LYRM4: variants seen among roughly 807,000 people sequenced by gnomAD.
LYRM4 encodes LYR motif containing 4, also known as LYR motif-containing protein 4.
LYRM4 carries 9 observed loss-of-function variants against 11.7 expected under a neutral mutation model. That is an observed-to-expected ratio of 0.77 (90% CI 0.46 to 1.34). The LOEUF (loss-of-function observed/expected upper bound fraction) is 1.34. LYRM4 is among the 40% of genes most tolerant of loss of function. LYRM4 has a pLI of 0.00. For synonymous variants in LYRM4, 42 were observed against 40.4 expected (o/e 1.04, Z -0.15); for missense variants, 133 against 112.5 (o/e 1.18, Z -0.82).
chr6:5,046,004 A>G, the LYRM4 span, among the ~76,000 whole-genome samples: 1 of 152,214 alleles, frequency 6.6e-6, no homozygotes, highest in African/African-American at 2.4e-5. Flanking sequence ...CTGCATGAGC[A>G]CGGGGCACTC....
intron 2 of LYRM4, among the ~76,000 whole-genome samples, chr6:5,144,624 CAAAAAAAAAAAA>C (rs71540849): frequency 7.7e-4 from 29 of 37,602 alleles, no homozygotes; most frequent in Non-Finnish European, 1.0e-3. Context: ...GACTCCGTCT[CAAAAAAAAAAAA>C]AAAAAAAAAA....
intron 2 of LYRM4, among the ~76,000 whole-genome samples, chr6:5,169,237 C>T (rs528172858): frequency 5.3e-5 from 8 of 152,268 alleles, no homozygotes; most frequent in South Asian, 2.1e-4. Flanking sequence ...CACTGACTTG[C>T]TCTTGCCTGA....
chr6:5,260,735 T>C lies in LYRM4; in HGVS notation c.-2A>G, dbSNP rs753941315. ...TTGTGCGCGACTGGAGGCTGCCATT[T>C]TGGAAAGAAAAAAAAATAAACGGGT... On this transcript the variant is annotated 5_prime_UTR_variant, in exon 1 of 3. Transcript: ENST00000330636. The C allele has an allele frequency of 6.5e-7, 1 of 1,546,840 alleles. No homozygotes were observed. The highest frequency in any genetic ancestry group is 8.7e-7 in the Non-Finnish European group (1 of 1,147,690).
At chr6:5,088,889 G>A in the LYRM4 span, 7 of 152,184 alleles carry the variant, frequency 4.6e-5, no homozygotes, top group Non-Finnish European at 4.4e-5. Context: ...TAACACATCA[G>A]TGCAACTGAA....
At chr6:5,050,871 C>T in the LYRM4 span, among the ~76,000 whole-genome samples, 1 of 152,174 alleles carries the variant, frequency 6.6e-6, no homozygotes, top group Non-Finnish European at 1.5e-5. Context: ...AGATGGTAGA[C>T]TTACTAAACA....
intron 2 of LYRM4, among the ~76,000 whole-genome samples, chr6:5,180,060 A>G (rs890545555): frequency 6.6e-6 from 1 of 152,212 alleles, no homozygotes; most frequent in Non-Finnish European, 1.5e-5. Flanking sequence ...TAAACACAGA[A>G]CCACAAATAA....
At chr6:5,243,014 C>A (rs1281182321) in intron 1 of LYRM4, among the ~76,000 whole-genome samples, 1 of 151,732 alleles carries the variant, frequency 6.6e-6, no homozygotes, top group Non-Finnish European at 1.5e-5. Context: ...ACCTCATGAT[C>A]CACCCGCCTC....
intron 1 of LYRM4, among the ~76,000 whole-genome samples, chr6:5,223,040 G>C (rs1192509414): frequency 6.6e-6 from 1 of 152,120 alleles, no homozygotes; most frequent in African/African-American, 2.4e-5. Flanking sequence ...AAATTGAGAA[G>C]ACTCATCGTT....
intron 1 of LYRM4, among the ~76,000 whole-genome samples, chr6:5,231,511 T>C (rs1763241042): frequency 1.3e-5 from 2 of 152,222 alleles, no homozygotes. Flanking sequence ...GGGCTCTGAA[T>C]GCTGTATGTA....
intron 2 of LYRM4, among the ~76,000 whole-genome samples, chr6:5,160,084 C>T (rs1352850380): frequency 6.6e-6 from 1 of 152,190 alleles, no homozygotes; most frequent in African/African-American, 2.4e-5. Flanking sequence ...TCTCTGGATT[C>T]CATTAGCTTG....
chr6:5,157,511 T>TA (rs527534440), intron 2 of LYRM4, among the ~76,000 whole-genome samples: 3,858 of 133,934 alleles, frequency 0.029, 92 homozygotes, highest in African/African-American at 0.071. Flanking sequence ...TATCTAAAAC[T>TA]AAAAAAAAAA....
chr6:5,066,874 G>A, the LYRM4 span: 1 of 980,562 alleles, frequency 1.0e-6, no homozygotes, highest in South Asian at 1.6e-5. Context: ...TTCCTCGCCG[G>A]CAAGTGCTTT....
chr6:5,074,622 C>CTT, the LYRM4 span, among the ~76,000 whole-genome samples: 2 of 138,222 alleles, frequency 1.4e-5, no homozygotes, highest in Non-Finnish European at 3.2e-5. Flanking sequence ...GCTTTTCTTT[C>CTT]TTTTTTTTTT....
chr6:5,247,270 C>A (rs986100684), intron 1 of LYRM4, among the ~76,000 whole-genome samples: 1 of 152,170 alleles, frequency 6.6e-6, no homozygotes, highest in African/African-American at 2.4e-5. Context: ...GCTTTTGATT[C>A]TTAGTCTGAG....
the LYRM4 span, among the ~76,000 whole-genome samples, chr6:5,097,178 C>T: frequency 3.3e-5 from 5 of 152,224 alleles, no homozygotes; most frequent in East Asian, 1.9e-4. Context: ...TCTGAGGTGA[C>T]GCAGAGCGTC....
At chr6:5,147,660 G>C (rs1757799889) in intron 2 of LYRM4, among the ~76,000 whole-genome samples, 1 of 152,120 alleles carries the variant, frequency 6.6e-6, no homozygotes, top group African/African-American at 2.4e-5. Context: ...CAGGAAACAG[G>C]GATACTAAAA....
At chr6:5,059,574 C>T in the LYRM4 span, among the ~76,000 whole-genome samples, 1 of 152,126 alleles carries the variant, frequency 6.6e-6, no homozygotes, top group African/African-American at 2.4e-5. Flanking sequence ...TGTCAACACA[C>T]CTGGACATGC....
chr6:5,091,709 T>C, the LYRM4 span, among the ~76,000 whole-genome samples: 1 of 152,216 alleles, frequency 6.6e-6, no homozygotes, highest in Admixed American at 6.5e-5. Flanking sequence ...GAGTTGGTAC[T>C]AGAGGAATCA....
chr6:5,218,831 G>T (rs1762424843), intron 1 of LYRM4, among the ~76,000 whole-genome samples: 1 of 152,242 alleles, frequency 6.6e-6, no homozygotes, highest in South Asian at 2.1e-4. Context: ...TTAGATAGCA[G>T]CTAGGTAAAT....
Sources: allele counts gnomAD v4.1 joint callset (sites outside exome capture counted in the v4.1 genomes callset), GRCh38; gene constraint gnomAD v4.1.1; transcripts MANE v1.5; gene names NCBI Gene and HGNC (gene_info 2026-07-23, HGNC 2026-07-21).